EXOC6: variants seen among roughly 807,000 people sequenced by gnomAD.
EXOC6 encodes SEC15-like 1.
Under a neutral mutation model 112.5 loss-of-function variants are expected in EXOC6, and 60 were observed. The ratio of observed to expected loss-of-function variants is 0.53; its 90% CI spans 0.43 to 0.66. The LOEUF is 0.66. Ranked by LOEUF, EXOC6 falls within the 30% of genes least tolerant of loss-of-function variation. The pLI is 0.00. For synonymous variants in EXOC6, 295 were observed against 308.0 expected (o/e 0.96, Z 0.44); for missense variants, 855 against 957.1 (o/e 0.89, Z 1.41).
chr10:92,914,047 C>T (rs1356421178), intron 6 of EXOC6, among the ~76,000 whole-genome samples: 2 of 152,156 alleles, frequency 1.3e-5, no homozygotes, highest in African/African-American at 2.4e-5. Flanking sequence ...TTCCTAGCCC[C>T]CAGGCCGTGG....
chr10:92,830,225 C>G (rs1351353825), upstream of EXOC6, among the ~76,000 whole-genome samples: 1 of 152,172 alleles, frequency 6.6e-6, no homozygotes, highest in Non-Finnish European at 1.5e-5. Flanking sequence ...TCGTAACAAA[C>G]ATAATGCTTC....
chr10:93,017,925 A>G (rs980690721), intron 20 of EXOC6, among the ~76,000 whole-genome samples: 5 of 150,986 alleles, frequency 3.3e-5, no homozygotes, highest in African/African-American at 9.7e-5. Flanking sequence ...CAGGGGAATC[A>G]CTTGAACTTG....
At chr10:93,019,988 G>A (rs74149199) in intron 20 of EXOC6, among the ~76,000 whole-genome samples, 10,337 of 152,122 alleles carry the variant, frequency 0.068, 627 homozygotes, top group African/African-American at 0.15. Flanking sequence ...AAATAATCAG[G>A]CCAAATATGG....
At chr10:92,909,933 G>A (rs1850647471) in intron 6 of EXOC6, among the ~76,000 whole-genome samples, 1 of 152,180 alleles carries the variant, frequency 6.6e-6, no homozygotes, top group African/African-American at 2.4e-5. Flanking sequence ...TATAGAATTA[G>A]CTAAACAGTG....
At chr10:92,901,232 A>G (rs1175818116) in intron 5 of EXOC6, 1 of 152,176 alleles carries the variant, frequency 6.6e-6, no homozygotes, top group East Asian at 1.9e-4. Context: ...TTTGCAATTA[A>G]TAAGTAATAT....
chr10:92,876,122 T>G (rs1288977316), intron 1 of EXOC6, among the ~76,000 whole-genome samples: 1 of 152,166 alleles, frequency 6.6e-6, no homozygotes, highest in Admixed American at 6.5e-5. Flanking sequence ...TGATTAATAT[T>G]TTAAAGTACA....
At chr10:92,830,458 G>C (rs1436101172), upstream of EXOC6, among the ~76,000 whole-genome samples, 2 of 152,198 alleles carry the variant, frequency 1.3e-5, no homozygotes, top group Admixed American at 1.3e-4. Context: ...CAAGGAACAG[G>C]ACTATATCAA....
intron 1 of EXOC6, among the ~76,000 whole-genome samples, chr10:92,872,374 A>G (rs1200999388): frequency 6.6e-6 from 1 of 151,912 alleles, no homozygotes; most frequent in Non-Finnish European, 1.5e-5. Flanking sequence ...TTTTTATTCT[A>G]TTCTTTCAAA....
chr10:92,914,104 G>A (rs1188277526), intron 6 of EXOC6, among the ~76,000 whole-genome samples: 1 of 152,218 alleles, frequency 6.6e-6, no homozygotes, highest in Non-Finnish European at 1.5e-5. Flanking sequence ...CACAGCAGGA[G>A]GTGAGTGGCT....
chr10:92,907,599 A>G (rs1172563670), intron 5 of EXOC6, among the ~76,000 whole-genome samples: 1 of 152,224 alleles, frequency 6.6e-6, no homozygotes, highest in East Asian at 1.9e-4. Context: ...TTTCAAATAC[A>G]TTGTAGACAT....
At chr10:92,840,346 T>C (rs1846801416) in intron 1 of EXOC6, among the ~76,000 whole-genome samples, 1 of 152,192 alleles carries the variant, frequency 6.6e-6, no homozygotes, top group Admixed American at 6.5e-5. Flanking sequence ...CTTGTATGAT[T>C]TTGGCCTTAG....
intron 1 of EXOC6, among the ~76,000 whole-genome samples, chr10:92,871,036 G>A (rs1049989417): frequency 6.6e-6 from 1 of 152,056 alleles, no homozygotes; most frequent in African/African-American, 2.4e-5. Context: ...AAGTTTCTCA[G>A]AATTACCCCT....
At chr10:92,949,112 T>C (rs1191171696) in intron 14 of EXOC6, among the ~76,000 whole-genome samples, 1 of 152,238 alleles carries the variant, frequency 6.6e-6, no homozygotes, top group Non-Finnish European at 1.5e-5. Context: ...TAACTGTCAC[T>C]TTTGTATTCT....
At chr10:93,057,976 C>T (rs1846622716) in intron 21 of EXOC6, among the ~76,000 whole-genome samples, 1 of 152,016 alleles carries the variant, frequency 6.6e-6, no homozygotes, top group Non-Finnish European at 1.5e-5. Context: ...TAGTAGTAAA[C>T]CTAGCATATT....
intron 1 of EXOC6, among the ~76,000 whole-genome samples, chr10:92,871,786 T>C (rs890852782): frequency 6.6e-6 from 1 of 152,106 alleles, no homozygotes; most frequent in East Asian, 1.9e-4. Flanking sequence ...CCAGCCTGGG[T>C]GACAGAGTGA....
At chr10:93,045,528 A>G (rs1016579390) in intron 20 of EXOC6, among the ~76,000 whole-genome samples, 1 of 152,198 alleles carries the variant, frequency 6.6e-6, no homozygotes, top group Non-Finnish European at 1.5e-5. Context: ...GAGTATAGAC[A>G]TGTTGGCATA....
chr10:92,879,128 T>C (rs1230942950), intron 1 of EXOC6, among the ~76,000 whole-genome samples: 3 of 152,208 alleles, frequency 2.0e-5, no homozygotes, highest in Non-Finnish European at 4.4e-5. Flanking sequence ...GCATTAACTT[T>C]GCTTAATGTT....
chr10:92,933,502 T>A (rs1040053893), intron 9 of EXOC6, among the ~76,000 whole-genome samples: 4 of 152,130 alleles, frequency 2.6e-5, no homozygotes, highest in African/African-American at 9.7e-5. Flanking sequence ...CTAAAACGTA[T>A]TAATAATTCT....
At chr10:92,904,279 T>C (rs1850327120) in intron 5 of EXOC6, among the ~76,000 whole-genome samples, 2 of 152,114 alleles carry the variant, frequency 1.3e-5, no homozygotes, top group African/African-American at 4.8e-5. Flanking sequence ...GTGCAGGTTT[T>C]ATGCATGTAA....
Sources: allele counts gnomAD v4.1 joint callset (sites outside exome capture counted in the v4.1 genomes callset), GRCh38; gene constraint gnomAD v4.1.1; transcripts MANE v1.5; gene names NCBI Gene and HGNC (gene_info 2026-07-23, HGNC 2026-07-21).